The following HS3ST3B1 variants were observed in gnomAD, a reference collection of about 807,000 sequenced individuals.
HS3ST3B1 encodes the protein heparan sulfate glucosamine 3-O-sulfotransferase 3B1.
HS3ST3B1 carries 13 observed loss-of-function variants against 21.3 expected under a neutral mutation model. The observed-to-expected ratio is 0.61, with a 90% CI of 0.40 to 0.97. The LOEUF is 0.97. HS3ST3B1 is among the 50% of genes least tolerant of loss of function. The pLI is 0.00. For synonymous variants in HS3ST3B1, 234 were observed against 254.8 expected (o/e 0.92, Z 0.78); for missense variants, 459 against 554.8 (o/e 0.83, Z 1.73).
intron 1 of HS3ST3B1, among the ~76,000 whole-genome samples, chr17:14,332,433 T>A (rs547943057): frequency 8.5e-5 from 13 of 152,082 alleles, no homozygotes; most frequent in African/African-American, 2.9e-4. Flanking sequence ...CTCTAGGACT[T>A]GCCTGGCAGC....
At chr17:14,330,729 G>A (rs1909984752) in intron 1 of HS3ST3B1, among the ~76,000 whole-genome samples, 1 of 152,102 alleles carries the variant, frequency 6.6e-6, no homozygotes, top group East Asian at 1.9e-4. Flanking sequence ...GCTTTTCTTG[G>A]GAATGAAGCT....
At chr17:14,302,328 A>G (rs1245182300) in intron 1 of HS3ST3B1, among the ~76,000 whole-genome samples, 1 of 152,168 alleles carries the variant, frequency 6.6e-6, no homozygotes, top group Admixed American at 6.5e-5. Context: ...ACCTCGCCGC[A>G]AAGAAGAAGG....
intron 1 of HS3ST3B1, among the ~76,000 whole-genome samples, chr17:14,315,006 A>G (rs1909453130): frequency 6.6e-6 from 1 of 152,186 alleles, no homozygotes; most frequent in Admixed American, 6.5e-5. Flanking sequence ...CTGCCAATTA[A>G]AATCAGAAAT....
At position 14,301,443 on chromosome 17, in the gene HS3ST3B1, C is replaced by CCT. The variant is rs1330069289; in HGVS notation, c.-71_-70dup. The CCT allele has an allele frequency of 1.9e-5, 25 of 1,284,052 alleles. No homozygotes were observed. Among genetic ancestry groups the CCT allele is most frequent in the Non-Finnish European group, 2.4e-5 (24 of 997,092 alleles). The allele number at this position is 1,284,052 out of a possible 1,614,324, so 79.5% of individuals were successfully genotyped here. On this transcript the variant is annotated 5_prime_UTR_variant, in exon 1 of 2. Transcript: ENST00000360954. ...CCGGGCGTCCAGCGTGCCGGGGAACCCTCTCTGCGCTCACTGCCCGGCGGG... is the reference window on the plus strand; with the variant it reads ...CCGGGCGTCCAGCGTGCCGGGGAACCCTCTCTCTGCGCTCACTGCCCGGCGGG...
At position 14,315,323 on chromosome 17, in the gene HS3ST3B1, C is replaced by T. The variant is rs1052940734; in HGVS notation, c.554+13251C>T. ...CATGTGATGAGCACACAGAGCATGC[C>T]GTGTGCCTCCTGCCATACAATTAGC... On this transcript the variant is annotated intron_variant, in intron 1 of 1. Transcript: ENST00000360954. Among the ~76,000 whole-genome samples, 52 of 152,316 alleles carry T rather than the reference C, an allele frequency of 3.4e-4. 1 individual carries two copies. Among genetic ancestry groups the T allele is most frequent in the African/African-American group, 1.2e-3 (49 of 41,570 alleles).
At chr17:14,336,964 C>A (rs1276737914) in intron 1 of HS3ST3B1, among the ~76,000 whole-genome samples, 1 of 152,086 alleles carries the variant, frequency 6.6e-6, no homozygotes, top group Non-Finnish European at 1.5e-5. Flanking sequence ...TCTGTTGAGT[C>A]CTGAGGCTGC....
At chr17:14,302,662 G>T (rs1417638779) in intron 1 of HS3ST3B1, among the ~76,000 whole-genome samples, 1 of 152,052 alleles carries the variant, frequency 6.6e-6, no homozygotes, top group Non-Finnish European at 1.5e-5. Flanking sequence ...GCTCGGGAGG[G>T]TGAGCCGGGC....
intron 1 of HS3ST3B1, among the ~76,000 whole-genome samples, chr17:14,323,641 G>C (rs1407792706): frequency 6.6e-6 from 1 of 151,902 alleles, no homozygotes; most frequent in Admixed American, 6.6e-5. Flanking sequence ...ACTTCATATT[G>C]GGTGTGAGGA....
chr17:14,341,052 A>G lies in HS3ST3B1; in HGVS notation c.555-3976A>G, dbSNP rs185641373. On this transcript the variant is annotated intron_variant, in intron 1 of 1. Transcript: ENST00000360954. ...CTGTCCTGGGGAGAGGGGCCCTCAT[A>G]TGGGTTGTGGGACCAGCAGGCGGTC... Among the ~76,000 whole-genome samples, 222 of 152,266 alleles carry G rather than the reference A, an allele frequency of 1.5e-3. 5 individuals carry two copies. The highest frequency in any genetic ancestry group is 0.012 in the East Asian group (63 of 5,172).
At position 14,312,583 on chromosome 17, in the gene HS3ST3B1, C is replaced by T. The variant is rs1158471854; in HGVS notation, c.554+10511C>T. On this transcript the variant is annotated intron_variant, in intron 1 of 1. Transcript: ENST00000360954. ...TGGTGGCGGTCTTCAACCATGCCAT[C>T]CGTGTGCCAACCCAGCACTTTCCTG... Among the ~76,000 whole-genome samples the T allele has an allele frequency of 5.3e-5, 8 of 152,280 alleles. No homozygotes were observed. The East Asian group carries it at 1.4e-3, about 26-fold the overall frequency.
rs1265441825 is a variant in HS3ST3B1, at chr17:14,347,197, A to G, written c.*1551A>G. ...CTGTAAACCCTTGAGCCTGATGCTC[A>G]TACAGCTGTCCCTTGTTTTAGCCAG... On this transcript the variant is annotated 3_prime_UTR_variant, in exon 2 of 2. Transcript: ENST00000360954. 6.6e-6 allele frequency: 1 copy of G among 152,236 alleles called. No homozygotes were observed. The highest frequency in any genetic ancestry group is 1.9e-4 in the East Asian group (1 of 5,196). 9.4% of individuals were successfully genotyped at this position (152,236 alleles called of 1,614,324 possible).
At chr17:14,325,763 G>A (rs941070346) in intron 1 of HS3ST3B1, among the ~76,000 whole-genome samples, 10 of 152,146 alleles carry the variant, frequency 6.6e-5, no homozygotes, top group African/African-American at 1.9e-4. Context: ...TTTAAGATAC[G>A]CTGCTGGTAA....
At chr17:14,304,100 G>A (rs1282177736) in intron 1 of HS3ST3B1, 2 of 152,226 alleles carry the variant, frequency 1.3e-5, no homozygotes, top group Non-Finnish European at 2.9e-5. Context: ...CGCAGCCCGG[G>A]AGGTTCGGCT....
At chr17:14,341,043 G>A (rs1475391031) in intron 1 of HS3ST3B1, among the ~76,000 whole-genome samples, 1 of 152,172 alleles carries the variant, frequency 6.6e-6, no homozygotes, top group Admixed American at 6.5e-5. Flanking sequence ...TGGGGAGAGG[G>A]GCCCTCATAT....
intron 1 of HS3ST3B1, among the ~76,000 whole-genome samples, chr17:14,311,669 A>G (rs977299106): frequency 6.6e-6 from 1 of 152,154 alleles, no homozygotes; most frequent in African/African-American, 2.4e-5. Context: ...TACCACCTCA[A>G]AAATCCCGTC....
intron 1 of HS3ST3B1, among the ~76,000 whole-genome samples, chr17:14,343,897 C>T (rs1293088859): frequency 6.9e-6 from 1 of 144,496 alleles, no homozygotes; most frequent in Non-Finnish European, 1.5e-5. Flanking sequence ...TAATTTCTTT[C>T]TTTTTTTTTT....
In HS3ST3B1 at chr17:14,332,710, C is replaced by T. The variant is rs573762374; in HGVS notation, c.555-12318C>T. 3.9e-5 allele frequency among the ~76,000 whole-genome samples: 6 copies of T among 151,980 alleles called. No individual in the cohort carries two copies. The East Asian group carries it at 1.2e-3, about 30-fold the overall frequency. Reference sequence around the variant, plus strand: ...AAGGAACAGAGCAGGAGCTAAGGATCCAGCTCCAAGCAGCTGAGGCCAAGG... The same window carrying T: ...AAGGAACAGAGCAGGAGCTAAGGATTCAGCTCCAAGCAGCTGAGGCCAAGG... On this transcript the variant is annotated intron_variant, in intron 1 of 1. Transcript: ENST00000360954.
chr17:14,314,046 C>T (rs1287183342), intron 1 of HS3ST3B1, among the ~76,000 whole-genome samples: 5 of 152,054 alleles, frequency 3.3e-5, no homozygotes, highest in Admixed American at 2.6e-4. Context: ...GTGGCACGAT[C>T]TCGGCTCACC....
chr17:14,307,395 T>C (rs745731622), intron 1 of HS3ST3B1, among the ~76,000 whole-genome samples: 29 of 150,388 alleles, frequency 1.9e-4, no homozygotes, highest in Middle Eastern at 3.2e-3. Flanking sequence ...TGTTTCTAGT[T>C]TGATGTTTTA....
Sources: gnomAD v4.1 joint callset for allele counts (sites outside exome capture counted in the v4.1 genomes callset) on GRCh38, gnomAD v4.1.1 for gene constraint, MANE v1.5 for transcripts, NCBI Gene and HGNC (gene_info 2026-07-23, HGNC 2026-07-21) for gene names.